The following CRACD variants were observed in gnomAD, a reference collection of about 807,000 sequenced individuals.
The protein encoded by CRACD is capping protein-inhibiting regulator of actin dynamics.
A neutral mutation model predicts 106.8 loss-of-function variants in CRACD; 56 were observed. That is an observed-to-expected ratio of 0.52 (90% CI 0.42 to 0.66). The LOEUF (loss-of-function observed/expected upper bound fraction) is 0.66, where lower values mean the gene tolerates loss of function less well. CRACD is among the 30% of genes least tolerant of loss of function. The pLI is 0.00. For missense variants in CRACD, 1,730 were observed against 1,623.2 expected (o/e 1.07, Z -1.13); for synonymous variants, 754 against 670.8 (o/e 1.12, Z -1.92).
chr4:56,064,655 T>C (rs999244208), intron 1 of CRACD, among the ~76,000 whole-genome samples: 2 of 152,216 alleles, frequency 1.3e-5, no homozygotes, highest in African/African-American at 4.8e-5. Context: ...ATTATGAATA[T>C]CCTTAGGCTT....
chr4:56,055,273 G>A (rs751000450), intron 1 of CRACD, among the ~76,000 whole-genome samples: 1 of 151,976 alleles, frequency 6.6e-6, no homozygotes, highest in African/African-American at 2.4e-5. Flanking sequence ...CGGGAAACAG[G>A]TTGTCTGAAA....
At chr4:56,183,235 A>AAAAATAAAATAAAATAAAATAAAATAAT (rs1736920309) in intron 2 of CRACD, among the ~76,000 whole-genome samples, 2 of 124,394 alleles carry the variant, frequency 1.6e-5, no homozygotes, top group African/African-American at 6.4e-5. Flanking sequence ...CTCCGTCTCA[A>AAAAATAAAATAAAATAAAATAAAATAAT]AAAATAAAAT....
chr4:56,315,599 C>A lies in CRACD; in HGVS notation c.2097C>A (p.Pro699=), dbSNP rs373468081. The part of the protein sequence containing the change: ...DQLRPGDEST[P]RGRCDSRGNQ... ...TGAGGCCCGGTGATGAGTCCACTCC[C>A]AGGGGCCGGTGTGATTCCCGCGGGA... The change falls in exon 8 of 11, where the codon CCC becomes CCA. Residue 699 remains proline, a synonymous_variant. Coordinates refer to ENST00000682029, the MANE Select transcript of CRACD (RefSeq NM_001393381.1). This position sits in a 1 kb window ranked among gnomAD's most constrained non-coding sequence, Gnocchi z 4.1. 125 of 1,613,964 alleles carry A rather than the reference C, an allele frequency of 7.7e-5. 1 individual carries two copies. Among genetic ancestry groups the A allele is most frequent in the Middle Eastern group, 3.3e-4 (2 of 6,084 alleles).
intron 2 of CRACD, among the ~76,000 whole-genome samples, chr4:56,189,522 A>C (rs1163168067): frequency 6.9e-6 from 1 of 145,746 alleles, no homozygotes; most frequent in Non-Finnish European, 1.5e-5. Context: ...AGCATTAGGT[A>C]TATCTCCTAA....
intron 1 of CRACD, among the ~76,000 whole-genome samples, chr4:56,107,899 C>G (rs1168073931): frequency 6.6e-6 from 1 of 152,214 alleles, no homozygotes; most frequent in Non-Finnish European, 1.5e-5. Context: ...TCGCTAGTTG[C>G]TTACAACATT....
intron 2 of CRACD, among the ~76,000 whole-genome samples, chr4:56,223,505 A>G (rs1202221245): frequency 2.0e-5 from 3 of 152,054 alleles, no homozygotes; most frequent in Non-Finnish European, 4.4e-5. Flanking sequence ...TTAATATTTT[A>G]GTCTTTGTTC....
chr4:56,087,036 G>C (rs1036074324), intron 1 of CRACD, among the ~76,000 whole-genome samples: 4 of 151,980 alleles, frequency 2.6e-5, no homozygotes, highest in African/African-American at 9.7e-5. Context: ...TTTTGAAACG[G>C]AGTCTCCCTC....
At chr4:56,292,367 G>A (rs975577077) in intron 3 of CRACD, among the ~76,000 whole-genome samples, 2 of 152,328 alleles carry the variant, frequency 1.3e-5, no homozygotes, top group African/African-American at 4.8e-5. Context: ...CACCCTAGAA[G>A]TGGAGGCAAA....
chr4:56,086,215 G>A (rs1733212958), intron 1 of CRACD, among the ~76,000 whole-genome samples: 1 of 152,186 alleles, frequency 6.6e-6, no homozygotes, highest in Non-Finnish European at 1.5e-5. Flanking sequence ...GAGGGAGCCA[G>A]GAATTGCAGG....
In CRACD at chr4:56,329,130, G is replaced by A. The variant is rs1233684573; in HGVS notation, c.*1326G>A. The stretch of plus-strand genomic sequence containing the variant: ...GTGCATACAAAGAAGGGACTTGGCA[G>A]TTTAAAAGCCACATATATTCACTTT... On this transcript the variant is annotated 3_prime_UTR_variant, in exon 11 of 11. Transcript: ENST00000682029. 6.6e-6 allele frequency among the ~76,000 whole-genome samples: 1 copy of A among 152,204 alleles called. No homozygotes were observed. Among genetic ancestry groups the A allele is most frequent in the African/African-American group, 2.4e-5 (1 of 41,456 alleles).
intron 1 of CRACD, among the ~76,000 whole-genome samples, chr4:56,101,219 A>G (rs1435396286): frequency 1.3e-5 from 2 of 152,106 alleles, no homozygotes; most frequent in Non-Finnish European, 2.9e-5. Flanking sequence ...AAATTGACTT[A>G]GGAAAACAAC....
chr4:56,104,875 G>A (rs1213891478), intron 1 of CRACD, among the ~76,000 whole-genome samples: 3 of 151,474 alleles, frequency 2.0e-5, no homozygotes, highest in Non-Finnish European at 4.4e-5. Flanking sequence ...GCTGAGGCAG[G>A]AGAATGGCGT....
At chr4:56,068,855 TGTCC>T (rs1366585731) in intron 1 of CRACD, among the ~76,000 whole-genome samples, 1 of 152,124 alleles carries the variant, frequency 6.6e-6, no homozygotes, top group Non-Finnish European at 1.5e-5. Flanking sequence ...CCGAGACTCA[TGTCC>T]ACTTGGAACT....
chr4:56,298,631 A>C (rs1053083587), intron 4 of CRACD, among the ~76,000 whole-genome samples: 3 of 152,202 alleles, frequency 2.0e-5, no homozygotes, highest in Non-Finnish European at 4.4e-5. Flanking sequence ...CAAGTACCCA[A>C]GAGAAGCTGC....
chr4:56,180,489 AAAATAAATAAAT>A (rs199914728), intron 2 of CRACD, among the ~76,000 whole-genome samples: 10,104 of 146,252 alleles, frequency 0.069, 468 homozygotes, highest in African/African-American at 0.13. Flanking sequence ...ACTCCATCTC[AAAATAAATAAAT>A]AAATAAATAA....
At chr4:56,075,658 T>C (rs1577947088) in intron 1 of CRACD, among the ~76,000 whole-genome samples, 1 of 152,302 alleles carries the variant, frequency 6.6e-6, no homozygotes, top group South Asian at 2.1e-4. Flanking sequence ...TAGCAACCAC[T>C]AATCTGCTTC....
At chr4:56,312,917 C>T (rs1560532355) in intron 6 of CRACD, among the ~76,000 whole-genome samples, 1 of 152,210 alleles carries the variant, frequency 6.6e-6, no homozygotes, top group South Asian at 2.1e-4. Flanking sequence ...AATCTTGGAG[C>T]TACTCTGAAC....
At chr4:56,149,467 C>G (rs1735510691) in intron 1 of CRACD, among the ~76,000 whole-genome samples, 1 of 152,164 alleles carries the variant, frequency 6.6e-6, no homozygotes, top group African/African-American at 2.4e-5. Flanking sequence ...TGTGACATTT[C>G]CTTATTCAGT....
chr4:56,288,439 A>C (rs546370286), intron 3 of CRACD: 1 of 161,580 alleles, frequency 6.2e-6, no homozygotes, highest in South Asian at 1.7e-4. Flanking sequence ...TGTGTTCCCA[A>C]GACTTGGTTC....
Sources: allele counts gnomAD v4.1 joint callset (sites outside exome capture counted in the v4.1 genomes callset), GRCh38; gene constraint gnomAD v4.1.1; non-coding constraint Gnocchi (gnomAD v3.1); transcripts MANE v1.5; gene names NCBI Gene and HGNC (gene_info 2026-07-23, HGNC 2026-07-21).